The following MAGI2 variants were observed in gnomAD, a reference collection of about 807,000 sequenced individuals.
MAGI2 encodes membrane-associated guanylate kinase, WW and PDZ domain-containing protein 2.
MAGI2 carries 35 observed loss-of-function variants against 133.3 expected under a neutral mutation model. That is an observed-to-expected ratio of 0.26 (90% confidence interval 0.20 to 0.35). The LOEUF is 0.35. Among genes scored for constraint, MAGI2 ranks in the 10% least tolerant of loss-of-function variants. MAGI2 has a pLI of 1.00. For synonymous variants in MAGI2, 729 were observed against 710.6 expected (o/e 1.03, Z -0.41); for missense variants, 1,636 against 1,863.4 (o/e 0.88, Z 2.25).
rs554801680 is a variant in MAGI2 at position 79,142,300 on chromosome 7, C to T, written c.302-135094G>A. Among the ~76,000 whole-genome samples the T allele has an allele frequency of 4.6e-5, 7 of 152,322 alleles. No individual in the cohort carries two copies. In the South Asian group the frequency reaches 8.3e-4, roughly 18 times the overall value. On this transcript the variant is annotated intron_variant, in intron 1 of 21. Coordinates refer to ENST00000354212, the MANE Select transcript of MAGI2 (RefSeq NM_012301.4). ...ACCAGTGACTGTTACAATATCCCCT[C>T]TAATTAAAGTGTACATTCTCAAAAA...
At chr7:78,762,836 AG>A (rs1824647986) in intron 2 of MAGI2, among the ~76,000 whole-genome samples, 1 of 152,254 alleles carries the variant, frequency 6.6e-6, no homozygotes, top group Admixed American at 6.5e-5. Context: ...GTCTATAACT[AG>A]CATTCTCTTA....
At chr7:79,369,350 C>T (rs764797056) in intron 1 of MAGI2, among the ~76,000 whole-genome samples, 10 of 152,262 alleles carry the variant, frequency 6.6e-5, no homozygotes, top group Admixed American at 3.3e-4. Context: ...CATAGCATTA[C>T]CCTAATGAAA....
intron 2 of MAGI2, among the ~76,000 whole-genome samples, chr7:78,783,694 A>G (rs1196889989): frequency 2.6e-5 from 4 of 152,100 alleles, no homozygotes; most frequent in East Asian, 1.9e-4. Context: ...CAGGTTGAGG[A>G]ACTCTCCTTC....
At chr7:78,095,207 T>C (rs1817585872) in intron 20 of MAGI2, among the ~76,000 whole-genome samples, 1 of 152,242 alleles carries the variant, frequency 6.6e-6, no homozygotes, top group African/African-American at 2.4e-5. Context: ...ATATACTTGC[T>C]GTCTCTCGTG....
At chr7:79,040,808 T>A (rs12666924) in intron 1 of MAGI2, among the ~76,000 whole-genome samples, 64,155 of 151,962 alleles carry the variant, frequency 0.42, 15,217 homozygotes, top group African/African-American at 0.65. Context: ...ATTCTAAGTT[T>A]CCTGAGGCCT....
chr7:78,218,311 A>G (rs1788466138), intron 10 of MAGI2, among the ~76,000 whole-genome samples: 1 of 152,236 alleles, frequency 6.6e-6, no homozygotes, highest in African/African-American at 2.4e-5. Context: ...CTGAATCATC[A>G]TGGAGCTGAT....
intron 1 of MAGI2, among the ~76,000 whole-genome samples, chr7:79,145,643 T>C (rs1458625285): frequency 6.6e-6 from 1 of 152,216 alleles, no homozygotes; most frequent in South Asian, 2.1e-4. Flanking sequence ...ATGCTCGTGT[T>C]CACATTGTCT....
intron 6 of MAGI2, among the ~76,000 whole-genome samples, chr7:78,373,889 G>A (rs964742197): frequency 6.6e-6 from 1 of 152,114 alleles, no homozygotes. Flanking sequence ...TTAGGATAAT[G>A]CCCTCCAGCT....
chr7:79,136,003 G>GAAAGAAAGAAAGAAAGAAAA (rs749343638), intron 1 of MAGI2, among the ~76,000 whole-genome samples: 1 of 40,890 alleles, frequency 2.4e-5, no homozygotes, highest in African/African-American at 8.9e-5. Flanking sequence ...AAGAAAGAAA[G>GAAAGAAAGAAAGAAAGAAAA]AGAAAGAAAG....
chr7:78,562,044 A>G (rs1007442702), intron 3 of MAGI2, among the ~76,000 whole-genome samples: 1 of 152,066 alleles, frequency 6.6e-6, no homozygotes, highest in Admixed American at 6.5e-5. Context: ...AGATTCACAA[A>G]CGCTCTATTA....
chr7:78,202,272 A>G (rs1202381970), intron 10 of MAGI2, among the ~76,000 whole-genome samples: 1 of 152,210 alleles, frequency 6.6e-6, no homozygotes, highest in Non-Finnish European at 1.5e-5. Context: ...GGAAATATCT[A>G]TAGAAATCGG....
At chr7:78,871,893 G>A (rs867153953) in intron 2 of MAGI2, among the ~76,000 whole-genome samples, 40 of 151,888 alleles carry the variant, frequency 2.6e-4, no homozygotes, top group South Asian at 1.2e-3. Context: ...AAAAATGATG[G>A]TAAATATAAC....
intron 1 of MAGI2, among the ~76,000 whole-genome samples, chr7:79,373,894 T>C (rs1325547448): frequency 6.6e-6 from 1 of 151,986 alleles, no homozygotes; most frequent in Admixed American, 6.6e-5. Flanking sequence ...TAAAAGTAAA[T>C]AACAGCAAAA....
intron 11 of MAGI2, among the ~76,000 whole-genome samples, chr7:78,196,329 C>T (rs763174605): frequency 7.9e-5 from 12 of 152,050 alleles, no homozygotes; most frequent in Non-Finnish European, 5.9e-5. Context: ...ATGTCTCAAA[C>T]AGATCAGACG....
At position 78,780,153 on chromosome 7, in the gene MAGI2, C is replaced by T. The variant is rs192130982; in HGVS notation, c.419-152914G>A. On this transcript the variant is annotated intron_variant, in intron 2 of 21. Coordinates refer to ENST00000354212, the MANE Select transcript of MAGI2 (RefSeq NM_012301.4). ...GTACTGCTTAATGTTTAAAAACTGG[C>T]TCTATGAAAAACAAGCAAACACATT... Among the ~76,000 whole-genome samples, 361 of 152,320 alleles carry T rather than the reference C, an allele frequency of 2.4e-3. 2 individuals are homozygous for T. Among genetic ancestry groups the T allele is most frequent in the Non-Finnish European group, 4.2e-3 (286 of 68,036 alleles).
At chr7:78,925,243 A>C (rs1277863422) in intron 2 of MAGI2, among the ~76,000 whole-genome samples, 1 of 152,040 alleles carries the variant, frequency 6.6e-6, no homozygotes, top group Admixed American at 6.6e-5. Flanking sequence ...CTTTGATATG[A>C]CTTTAAGCCA....
At chr7:78,538,194 T>A (rs1798121009) in intron 3 of MAGI2, among the ~76,000 whole-genome samples, 1 of 152,218 alleles carries the variant, frequency 6.6e-6, no homozygotes, top group Admixed American at 6.5e-5. Flanking sequence ...CTGTGGCTAT[T>A]TTTATGCCAG....
At chr7:78,030,347 T>A (rs1284257668) in intron 21 of MAGI2, among the ~76,000 whole-genome samples, 4 of 152,266 alleles carry the variant, frequency 2.6e-5, no homozygotes, top group African/African-American at 9.6e-5. Context: ...CACTGTAACC[T>A]CCTGGTTCAA....
At chr7:78,776,874 T>C (rs1583846045) in intron 2 of MAGI2, among the ~76,000 whole-genome samples, 1 of 152,208 alleles carries the variant, frequency 6.6e-6, no homozygotes, top group Non-Finnish European at 1.5e-5. Context: ...AAGATTCTAC[T>C]CTTGATGGTT....
Sources: allele counts gnomAD v4.1 joint callset (sites outside exome capture counted in the v4.1 genomes callset), GRCh38; gene constraint gnomAD v4.1.1; transcripts MANE v1.5; gene names NCBI Gene and HGNC (gene_info 2026-07-23, HGNC 2026-07-21).